The following JAG2 variants were observed in gnomAD, a reference collection of about 807,000 sequenced individuals.
JAG2 encodes protein jagged-2.
Under a neutral mutation model 141.7 loss-of-function variants are expected in JAG2, and 46 were observed. The observed-to-expected ratio is 0.32, with a 90% confidence interval of 0.26 to 0.42. JAG2 has a LOEUF of 0.42. JAG2 is among the 10% of genes least tolerant of loss of function. JAG2 has a pLI of 1.00. For missense variants in JAG2, 1,500 were observed against 1,817.5 expected, an observed-to-expected ratio of 0.83 and a Z score of 3.18; for synonymous variants, 862 against 763.5, an observed-to-expected ratio of 1.13 and a Z score of -2.13.
chr14:105,143,429 A>T (rs1888124468), intron 25 of JAG2, 53 bp downstream of exon 25: 2 of 1,530,916 alleles, frequency 1.3e-6, no homozygotes, highest in East Asian at 4.9e-5. Flanking sequence ...TCTGTGCCCA[A>T]TGCCTGAGTT....
chr14:105,147,999 AG>A, intron 17 of JAG2, 111 bp from the exon 18 acceptor site: 1 of 1,142,676 alleles, frequency 8.8e-7, no homozygotes, highest in Non-Finnish European at 1.3e-6. Flanking sequence ...GGCAGGGGGC[AG>A]GGGGCAGGTG....
intron 2 of JAG2, among the ~76,000 whole-genome samples, chr14:105,165,772 A>G (rs955407453): frequency 1.3e-5 from 2 of 152,170 alleles, no homozygotes; most frequent in Admixed American, 6.5e-5. Context: ...AAGGAGCCCA[A>G]AAGCCCCACG....
chr14:105,150,479 G>C, intron 12 of JAG2, 125 bp downstream of exon 12: 2 of 988,838 alleles, frequency 2.0e-6, no homozygotes, highest in Non-Finnish European at 1.5e-6. Flanking sequence ...GCTGAGCCTG[G>C]GACGCCTTGG....
At position 105,145,923 on chromosome 14, in the gene JAG2, C is replaced by A; in HGVS notation, c.2760G>T (p.Leu920=). The A allele has an allele frequency of 6.3e-7, 1 of 1,576,288 alleles. No homozygotes were observed. Among genetic ancestry groups the A allele is most frequent in the African/African-American group, 1.3e-5 (1 of 74,190 alleles). The part of the protein sequence containing the change: ...PCLLAGQPEA[L]SAQCPLGQRC... ...TTTGCCCCAGTGGGCACTGGGCGCT[C>A]AGGGCCTCGGGCTGGCCGGCCAGCA... Residue 920 remains leucine (L), a synonymous_variant, in exon 23 of 26, where the codon CTG becomes CTT. Transcript: ENST00000331782.
At chr14:105,151,540 C>T (rs1473791774) in intron 8 of JAG2, 86 bp downstream of exon 8, 4 of 1,349,946 alleles carry the variant, frequency 3.0e-6, no homozygotes, top group Non-Finnish European at 4.2e-6. Flanking sequence ...GACTTGACCA[C>T]TGCACCCCAT....
At chr14:105,144,565 C>A (rs987273925) in intron 24 of JAG2, among the ~76,000 whole-genome samples, 15 of 152,226 alleles carry the variant, frequency 9.9e-5, no homozygotes, top group Non-Finnish European at 1.9e-4. Flanking sequence ...CTGACACCCC[C>A]CAGGTCCAGG....
chr14:105,161,779 T>C (rs1398661379), intron 2 of JAG2, among the ~76,000 whole-genome samples: 1 of 152,218 alleles, frequency 6.6e-6, no homozygotes, highest in Non-Finnish European at 1.5e-5. Flanking sequence ...TTGCCTCCTC[T>C]GCGAATAGCA....
intron 24 of JAG2, among the ~76,000 whole-genome samples, chr14:105,144,595 C>T (rs1393356452): frequency 6.6e-6 from 1 of 152,216 alleles, no homozygotes; most frequent in Non-Finnish European, 1.5e-5. Flanking sequence ...AGTCCCAAAG[C>T]AGGCCTCCCA....
chr14:105,143,029 C>G lies in JAG2; in HGVS notation c.3383G>C (p.Trp1128Ser), dbSNP rs1396385175. 3 of 1,605,638 alleles carry G rather than the reference C, an allele frequency of 1.9e-6. No homozygotes were observed. The African/African-American group carries it at 4.0e-5, about 21-fold the overall frequency. The change falls in exon 26 of 26, where the codon TGG (tryptophan) becomes TCG (serine). Residue 1128 changes from tryptophan to serine, a missense_variant. Physicochemically the swap from Trp to Ser is radical, Grantham distance 177. Transcript: ENST00000331782. The stretch of plus-strand genomic sequence containing the variant: ...GTTGCGGATGGGGTTGAGCGGGGCC[C>G]ACTGGTTGTTGGCGCTCTCCTCCCG... ...LPREESANNQ[W>S]APLNPIRNPI... is the part of the protein sequence containing the mutation.
At position 105,148,221 on chromosome 14, in the gene JAG2, G is replaced by A; in HGVS notation, c.2143C>T (p.Gln715Ter). Residue 715 changes from glutamine (Q) to a stop codon, truncating the protein, a stop_gained, in exon 17 of 26, where the codon CAG becomes TAG. Transcript: ENST00000331782. LOFTEE classifies it high-confidence loss of function. ...TTGCTGCAGGTGTAGGCATCGCACT[G>A]GAACTCGCCTGTTGGCACATGGGCC... ...KGKTCHSREF[Q>*]CDAYTCSNGG... 1 of 1,559,816 alleles carries A rather than the reference G, an allele frequency of 6.4e-7. No homozygotes were observed. Among genetic ancestry groups the A allele is most frequent in the Non-Finnish European group, 8.7e-7 (1 of 1,152,358 alleles).
rs1888523906 is a variant in JAG2 at position 105,154,496 on chromosome 14, G to GC, written c.788+1065dup. ...GCTCCACTCTAGGGCAAAGCTGCCA[G>GC]CCCCCCTGGCTGGATCCCCCACACT... On this transcript the variant is annotated intron_variant, in intron 5 of 25. Transcript: ENST00000331782. This position sits in a 1 kb window ranked among gnomAD's most constrained non-coding sequence, Gnocchi z 4.4. Among the ~76,000 whole-genome samples, 1 of 152,130 alleles carries GC rather than the reference G, an allele frequency of 6.6e-6. No homozygotes were observed. Among genetic ancestry groups the GC allele is most frequent in the South Asian group, 2.1e-4 (1 of 4,832 alleles).
intron 5 of JAG2, among the ~76,000 whole-genome samples, chr14:105,152,493 C>T (rs1339288736): frequency 3.9e-5 from 6 of 152,294 alleles, no homozygotes; most frequent in Non-Finnish European, 7.4e-5. Flanking sequence ...CGCTGGCTGC[C>T]GACGGTCAGC....
intron 12 of JAG2, 84 bp from the exon 13 acceptor site, chr14:105,149,404 G>C (rs1404383955): frequency 1.9e-6 from 3 of 1,568,494 alleles, no homozygotes; most frequent in East Asian, 2.2e-5. Context: ...TACGAAGGTA[G>C]ATCCCTGGGG....
chr14:105,159,815 C>G (rs1252638339), intron 2 of JAG2, among the ~76,000 whole-genome samples: 1 of 33,594 alleles, frequency 3.0e-5, no homozygotes, highest in Non-Finnish European at 5.4e-5. Context: ...ACACCCCCCC[C>G]CAGAGCTCTG....
intron 3 of JAG2, among the ~76,000 whole-genome samples, 166 bp downstream of exon 3, chr14:105,157,540 G>A (rs1227100822): frequency 2.0e-5 from 3 of 152,234 alleles, no homozygotes; most frequent in East Asian, 1.9e-4. Context: ...AGCTCTGCAA[G>A]TCCCAAACGT....
At position 105,145,904 on chromosome 14, in the gene JAG2, C is replaced by T. The variant is rs1243373921; in HGVS notation, c.2779G>A (p.Gly927Arg). The change falls in exon 23 of 26, where the codon GGG becomes AGG. Residue 927 changes from glycine to arginine, a missense_variant. Coordinates refer to ENST00000331782, the MANE Select transcript of JAG2 (RefSeq NM_002226.5). ...PEALSAQCPL[G>R]QRCLEKAPGQ... ...GGGGCCTTCTCCAGGCACCTTTGCCCCAGTGGGCACTGGGCGCTCAGGGCC... is the reference window on the plus strand; with the variant it reads ...GGGGCCTTCTCCAGGCACCTTTGCCTCAGTGGGCACTGGGCGCTCAGGGCC... The T allele has an allele frequency of 6.4e-7, 1 of 1,567,784 alleles. No homozygotes were observed. The highest frequency in any genetic ancestry group is 8.6e-7 in the Non-Finnish European group (1 of 1,157,516).
At chr14:105,156,704 C>T (rs1888594363) in intron 3 of JAG2, among the ~76,000 whole-genome samples, 1 of 152,144 alleles carries the variant, frequency 6.6e-6, no homozygotes, top group Non-Finnish European at 1.5e-5. Flanking sequence ...CCCCACCTCT[C>T]CCGCCTCGGG....
At chr14:105,168,326 A>ACCCCCGCCG (rs926065150) in intron 1 of JAG2, 29 bp downstream of exon 1, 7 of 439,622 alleles carry the variant, frequency 1.6e-5, no homozygotes, top group East Asian at 3.1e-4. Context: ...CCCGTCCGCG[A>ACCCCCGCCG]CCCCCGCCGC....
At chr14:105,160,787 C>T (rs1329713912) in intron 2 of JAG2, among the ~76,000 whole-genome samples, 1 of 151,170 alleles carries the variant, frequency 6.6e-6, no homozygotes, top group Non-Finnish European at 1.5e-5. Context: ...CACCTGAACC[C>T]AGGAGGCCGA....
Sources: gnomAD v4.1 joint callset for allele counts (sites outside exome capture counted in the v4.1 genomes callset) on GRCh38, gnomAD v4.1.1 for gene constraint, Gnocchi (gnomAD v3.1) non-coding constraint, MANE v1.5 for transcripts, NCBI Gene and HGNC (gene_info 2026-07-23, HGNC 2026-07-21) for gene names.